DDX10: variants seen among roughly 807,000 people sequenced by gnomAD.
The protein encoded by DDX10 is DEAD-box helicase 10.
DDX10 carries 74 observed loss-of-function variants against 104.3 expected under a neutral mutation model. The ratio of observed to expected loss-of-function variants is 0.71; its 90% confidence interval spans 0.59 to 0.86. The LOEUF (loss-of-function observed/expected upper bound fraction) is 0.86. Among genes scored for constraint, DDX10 ranks in the 40% least tolerant of loss-of-function variants. DDX10 has a pLI of 0.00. For missense variants in DDX10, 952 were observed against 1,040.0 expected (o/e 0.92, Z 1.16); for synonymous variants, 351 against 353.4 (o/e 0.99, Z 0.08).
intron 13 of DDX10, among the ~76,000 whole-genome samples, chr11:108,813,451 C>T (rs1335486676): frequency 6.6e-6 from 1 of 152,142 alleles, no homozygotes; most frequent in Non-Finnish European, 1.5e-5. Flanking sequence ...TTTATTCACT[C>T]TCTCTATTGG....
intron 13 of DDX10, among the ~76,000 whole-genome samples, chr11:108,729,203 T>G (rs549985239): frequency 2.0e-5 from 3 of 152,272 alleles, no homozygotes. Context: ...GACCTAGGTC[T>G]CTTTGGGTTA....
chr11:108,929,083 T>C (rs1863943798), intron 17 of DDX10, among the ~76,000 whole-genome samples: 1 of 152,214 alleles, frequency 6.6e-6, no homozygotes, highest in Non-Finnish European at 1.5e-5. Context: ...TACCTGTCTG[T>C]TTTCCTTTGA....
intron 9 of DDX10, 85 bp from the exon 10 acceptor site, chr11:108,706,654 T>G: frequency 9.4e-7 from 1 of 1,064,324 alleles, no homozygotes; most frequent in Non-Finnish European, 1.4e-6. Context: ...AAAAATGGTT[T>G]CCATGTTTAC....
chr11:108,876,360 T>C (rs1863153965), intron 16 of DDX10, among the ~76,000 whole-genome samples: 1 of 152,184 alleles, frequency 6.6e-6, no homozygotes, highest in Non-Finnish European at 1.5e-5. Flanking sequence ...TCTAAAGTTG[T>C]ACATAAGTTA....
intron 16 of DDX10, among the ~76,000 whole-genome samples, chr11:108,853,240 G>A (rs188393651): frequency 1.4e-3 from 206 of 152,122 alleles, no homozygotes; most frequent in African/African-American, 4.6e-3. Context: ...GAAACACCAT[G>A]GCAGAACCAC....
rs921052807 is a variant in DDX10 at position 108,840,132 on chromosome 11, A to G, written c.2086-1183A>G. Among the ~76,000 whole-genome samples, 4 of 152,196 alleles carry G rather than the reference A, an allele frequency of 2.6e-5. No homozygotes were observed. In the East Asian group the frequency reaches 5.8e-4, roughly 22 times the overall value. On this transcript the variant is annotated intron_variant, in intron 14 of 17. Coordinates refer to ENST00000322536, the MANE Select transcript of DDX10 (RefSeq NM_004398.4). ...AGTGGGGATGAGGAGTCCAAGTAAC[A>G]TGATATTCATATTGTTAAAACTGAT... is the stretch of plus-strand genomic sequence containing the variant.
intron 16 of DDX10, among the ~76,000 whole-genome samples, chr11:108,867,922 A>C (rs750234769): frequency 3.3e-5 from 5 of 152,150 alleles, no homozygotes; most frequent in Non-Finnish European, 7.4e-5. Flanking sequence ...ACATCAAGGA[A>C]ATAATAACTT....
At chr11:108,839,023 T>G (rs1862599959) in intron 14 of DDX10, among the ~76,000 whole-genome samples, 2 of 152,210 alleles carry the variant, frequency 1.3e-5, no homozygotes, top group Admixed American at 6.5e-5. Flanking sequence ...TAAAGTAGTC[T>G]CAGACACAGA....
intron 13 of DDX10, among the ~76,000 whole-genome samples, chr11:108,819,958 C>T (rs1862304809): frequency 1.3e-5 from 2 of 152,186 alleles, no homozygotes; most frequent in Admixed American, 1.3e-4. Flanking sequence ...TAGACTTAAT[C>T]TTCCTACAAG....
chr11:108,810,104 G>A (rs1862157610), intron 13 of DDX10, among the ~76,000 whole-genome samples: 1 of 152,114 alleles, frequency 6.6e-6, no homozygotes, highest in South Asian at 2.1e-4. Context: ...GTTAAGTAAG[G>A]CCGAGTTCCA....
intron 13 of DDX10, among the ~76,000 whole-genome samples, chr11:108,758,000 T>C (rs1373823800): frequency 6.6e-6 from 1 of 152,036 alleles, no homozygotes; most frequent in Admixed American, 6.6e-5. Context: ...ATGCTTGGGC[T>C]GCCTACTGCT....
At chr11:108,679,769 G>A (rs1223194829) in intron 6 of DDX10, among the ~76,000 whole-genome samples, 1 of 152,096 alleles carries the variant, frequency 6.6e-6, no homozygotes, top group Non-Finnish European at 1.5e-5. Context: ...CCCAAAATGT[G>A]GTCTGGGAGG....
intron 16 of DDX10, among the ~76,000 whole-genome samples, chr11:108,894,435 T>G (rs1051950609): frequency 9.2e-5 from 14 of 152,050 alleles, no homozygotes; most frequent in Non-Finnish European, 1.9e-4. Flanking sequence ...ATCAGTCTTT[T>G]TCCTGATTAT....
At chr11:108,880,825 G>A (rs1863218519) in intron 16 of DDX10, among the ~76,000 whole-genome samples, 1 of 152,116 alleles carries the variant, frequency 6.6e-6, no homozygotes, top group Non-Finnish European at 1.5e-5. Context: ...TTACCAAGTG[G>A]TACTTAAAGC....
chr11:108,772,414 G>C (rs1461054232), intron 13 of DDX10, among the ~76,000 whole-genome samples: 4 of 152,188 alleles, frequency 2.6e-5, no homozygotes, highest in Non-Finnish European at 4.4e-5. Flanking sequence ...AGAAGAAGAG[G>C]AGGAGGCAGT....
At chr11:108,706,898 A>C in intron 10 of DDX10, 61 bp downstream of exon 10, 1 of 1,377,764 alleles carries the variant, frequency 7.3e-7, no homozygotes, top group Non-Finnish European at 1.0e-6. Flanking sequence ...TTGTTTGCTT[A>C]ATTATGTGCA....
intron 13 of DDX10, among the ~76,000 whole-genome samples, chr11:108,821,427 T>C (rs1318355741): frequency 6.6e-6 from 1 of 152,120 alleles, no homozygotes. Context: ...TTAGTGGAGG[T>C]TGTATTTCTG....
At chr11:108,720,352 G>C (rs538036835) in intron 12 of DDX10, among the ~76,000 whole-genome samples, 2 of 152,054 alleles carry the variant, frequency 1.3e-5, no homozygotes, top group Admixed American at 1.3e-4. Flanking sequence ...TAGTTTTCTC[G>C]TTCTCTGAAA....
At position 108,677,205 on chromosome 11, in the gene DDX10, A is replaced by G; in HGVS notation, c.499A>G (p.Asn167Asp). 1 of 1,613,958 alleles carries G rather than the reference A, an allele frequency of 6.2e-7. No individual in the cohort carries two copies. The highest frequency in any genetic ancestry group is 8.5e-7 in the Non-Finnish European group (1 of 1,179,944). ...TFEVLRKVGK[N>D]HDFSAGLIIG... ...TGAGGTTCTCCGAAAAGTAGGAAAG[A>G]ATCATGACTTCTCAGCTGGTCTCAT... Residue 167 changes from asparagine to aspartate, a missense_variant, in exon 4 of 18, where the codon AAT becomes GAT. By Grantham distance (23) the Asn-to-Asp change is conservative. Coordinates refer to ENST00000322536, the MANE Select transcript of DDX10 (RefSeq NM_004398.4).
Sources: gnomAD v4.1 joint callset for allele counts (sites outside exome capture counted in the v4.1 genomes callset) on GRCh38, gnomAD v4.1.1 for gene constraint, MANE v1.5 for transcripts, NCBI Gene and HGNC (gene_info 2026-07-23, HGNC 2026-07-21) for gene names.